Variants in SLC6A11 observed in about 807,000 individuals in gnomAD.
SLC6A11 encodes solute carrier family 6 member 11.
A neutral mutation model predicts 74.8 loss-of-function variants in SLC6A11; 25 were observed. The ratio of observed to expected loss-of-function variants is 0.33; its 90% CI spans 0.24 to 0.47. SLC6A11 has a LOEUF of 0.47. SLC6A11 is among the 20% of genes least tolerant of loss of function. The pLI is 1.00. For missense variants in SLC6A11, 574 were observed against 837.0 expected (o/e 0.69, Z 3.88); for synonymous variants, 330 against 330.2 (o/e 1.00, Z 0.01).
chr3:10,821,466 G>A (rs1281439010), intron 3 of SLC6A11, among the ~76,000 whole-genome samples: 1 of 152,234 alleles, frequency 6.6e-6, no homozygotes, highest in African/African-American at 2.4e-5. Flanking sequence ...AGGTTTTGCA[G>A]AAGTGTAACC....
At chr3:10,844,487 C>A in intron 5 of SLC6A11, 141 bp downstream of exon 5, 2 of 966,144 alleles carry the variant, frequency 2.1e-6, no homozygotes, top group Non-Finnish European at 3.2e-6. Flanking sequence ...CCAGAGTGAG[C>A]TCTACCCACC....
At chr3:10,884,607 T>C (rs1362717581) in intron 6 of SLC6A11, among the ~76,000 whole-genome samples, 1 of 152,210 alleles carries the variant, frequency 6.6e-6, no homozygotes, top group Non-Finnish European at 1.5e-5. Flanking sequence ...AACTGTGTCG[T>C]GTCTGATTTT....
At chr3:10,822,061 C>G (rs193177074) in intron 3 of SLC6A11, among the ~76,000 whole-genome samples, 1 of 152,230 alleles carries the variant, frequency 6.6e-6, no homozygotes, top group Non-Finnish European at 1.5e-5. Flanking sequence ...GGACTGCAAA[C>G]CTCTTTCTTC....
intron 4 of SLC6A11, chr3:10,823,625 T>C: frequency 2.0e-6 from 1 of 488,460 alleles, no homozygotes; most frequent in East Asian, 3.5e-5. Flanking sequence ...TCAGCATGCA[T>C]AGTGGGTTAT....
chr3:10,878,514 C>T (rs1331723146), intron 6 of SLC6A11, among the ~76,000 whole-genome samples: 2 of 151,150 alleles, frequency 1.3e-5, no homozygotes, highest in Admixed American at 6.6e-5. Context: ...AAGCAATTCT[C>T]CTGCCTCAGC....
chr3:10,816,368 C>T lies in SLC6A11; in HGVS notation c.103C>T (p.Pro35Ser), dbSNP rs903083185. The change falls in exon 1 of 14, where the codon CCC (proline) becomes TCC (serine). Residue 35 changes from proline to serine, a missense_variant. This residue lies in a region of SLC6A11 where 86 missense variants were observed against 87.4 expected (regional missense o/e 0.98). Transcript: ENST00000254488. The surrounding 1 kb of genome is among the most constrained non-coding windows in gnomAD (Gnocchi z 4.2). ...GGGCSSGGAAPARHPRVKRDK... is the reference protein window; with the variant it reads ...GGGCSSGGAASARHPRVKRDK... ...CGGCTGCAGCAGCGGGGGCGCGGCG[C>T]CCGCGCGCCACCCGCGCGTCAAGCG... 10 of 1,473,234 alleles carry T rather than the reference C, an allele frequency of 6.8e-6. No individual in the cohort carries two copies. The African/African-American group carries it at 1.3e-4, about 20-fold the overall frequency. 91.3% of individuals were successfully genotyped at this position (1,473,234 alleles called of 1,614,324 possible).
chr3:10,883,221 G>A (rs924995573), intron 6 of SLC6A11, among the ~76,000 whole-genome samples: 8 of 152,186 alleles, frequency 5.3e-5, no homozygotes, highest in Non-Finnish European at 1.0e-4. Context: ...AACATTTGTT[G>A]GTCTTCACTG....
At chr3:10,825,244 A>G (rs915355752) in intron 4 of SLC6A11, 4 of 151,992 alleles carry the variant, frequency 2.6e-5, no homozygotes, top group Non-Finnish European at 5.9e-5. Flanking sequence ...CTGCAGCTTC[A>G]CATTTTGGAC....
At position 10,889,883 on chromosome 3, in the gene SLC6A11, G is replaced by A. The variant is rs530901657; in HGVS notation, c.891+14788G>A. Among the ~76,000 whole-genome samples the A allele has an allele frequency of 1.9e-3, 283 of 152,268 alleles. 2 individuals are homozygous for A. The highest frequency in any genetic ancestry group is 6.4e-3 in the African/African-American group (264 of 41,562). On this transcript the variant is annotated intron_variant, in intron 6 of 13. Coordinates refer to ENST00000254488, the MANE Select transcript of SLC6A11 (RefSeq NM_014229.3). ...GTGTTGGGGCCACCCACCTGCCCTC[G>A]CTCCCATGCCAGGGGGGAGAGAGAG...
At chr3:10,934,699 G>A (rs953507568) in intron 12 of SLC6A11, among the ~76,000 whole-genome samples, 2 of 152,198 alleles carry the variant, frequency 1.3e-5, no homozygotes, top group African/African-American at 4.8e-5. Flanking sequence ...AACCAGTCCC[G>A]AGGAGTAACT....
intron 10 of SLC6A11, among the ~76,000 whole-genome samples, chr3:10,931,671 A>G (rs1695689352): frequency 6.6e-6 from 1 of 152,320 alleles, no homozygotes. Flanking sequence ...ATCTGGCCTC[A>G]CAGCTGCATT....
Position 10,921,221 on chromosome 3 carries a change from C to G in SLC6A11, c.1120+2768C>G, listed in dbSNP as rs187056641. ...TCTCTTCTAGGGGAATGATTTTACA[C>G]AGCTTATAGTTGGGTCTTGCTTCTT... On this transcript the variant is annotated intron_variant, in intron 8 of 13. Transcript: ENST00000254488. 4.6e-5 allele frequency among the ~76,000 whole-genome samples: 7 copies of G among 152,362 alleles called. No individual in the cohort carries two copies. In the East Asian group the frequency reaches 1.3e-3, roughly 29 times the overall value.
intron 6 of SLC6A11, among the ~76,000 whole-genome samples, chr3:10,879,348 T>G (rs1240387488): frequency 6.6e-6 from 1 of 151,824 alleles, no homozygotes; most frequent in Non-Finnish European, 1.5e-5. Context: ...CAAAACCCCA[T>G]GTATGTTGGT....
At chr3:10,934,983 G>T (rs1695739499) in intron 12 of SLC6A11, 46 bp from the exon 13 acceptor site, 1 of 1,564,946 alleles carries the variant, frequency 6.4e-7, no homozygotes, top group South Asian at 1.2e-5. Flanking sequence ...TGGCCTAGCA[G>T]GGCTGAGGGC....
chr3:10,832,959 C>T (rs1367818356), intron 4 of SLC6A11, among the ~76,000 whole-genome samples: 1 of 152,206 alleles, frequency 6.6e-6, no homozygotes, highest in East Asian at 1.9e-4. Flanking sequence ...TCTGCAGTTC[C>T]ACTCCCTTGT....
rs772370091 is a variant in SLC6A11, at chr3:10,934,109, C to T, written c.1518C>T (p.Tyr506=). 1.9e-6 allele frequency: 3 copies of T among 1,613,756 alleles called. No individual in the cohort carries two copies. Among genetic ancestry groups the T allele is most frequent in the African/African-American group, 2.7e-5 (2 of 75,026 alleles). The change falls in exon 12 of 14, where the codon TAC becomes TAT. Residue 506 remains tyrosine, a synonymous_variant. Transcript: ENST00000254488. ...ATAACATTGAAGACATGATTGGCTA[C>T]CGGCCACCGTCGCTCATTAAGTGGT... ...FYDNIEDMIG[Y]RPPSLIKWCW...
intron 6 of SLC6A11, among the ~76,000 whole-genome samples, chr3:10,888,291 T>G (rs947939347): frequency 6.6e-6 from 1 of 152,190 alleles, no homozygotes; most frequent in African/African-American, 2.4e-5. Context: ...TATAGCTGTT[T>G]AGAAAGGGCA....
Position 10,934,946 on chromosome 3 carries a change from G to C in SLC6A11, c.1576-83G>C, listed in dbSNP as rs1695738900. The C allele has an allele frequency of 3.2e-6, 4 of 1,244,418 alleles. No individual in the cohort carries two copies. In the South Asian group the frequency reaches 4.1e-5, roughly 13 times the overall value. The allele number at this position is 1,244,418 out of a possible 1,614,324, so 77.1% of individuals were successfully genotyped here. A position where few individuals can be genotyped will look rare whatever the true frequency, so the allele number is the denominator to read the frequency against. On this transcript the variant is annotated intron_variant, in intron 12 of 13. Transcript: ENST00000254488. The stretch of plus-strand genomic sequence containing the variant: ...TTCCTCCCCTGCCAGCCTCTGGCTA[G>C]TCTGTTCCTGGGCCTCAGACCCCTC...
rs148451142 is a variant in SLC6A11, at chr3:10,866,283, A to G, written c.757-8678A>G. Among the ~76,000 whole-genome samples, 11 of 152,306 alleles carry G rather than the reference A, an allele frequency of 7.2e-5. No homozygotes were observed. In the East Asian group the frequency reaches 1.7e-3, roughly 24 times the overall value. ...AGCTGTACCTGGCACCTTCATTTCT[A>G]TCTTGTTGGCCAGAACATAGATGGC... On this transcript the variant is annotated intron_variant, in intron 5 of 13. Coordinates refer to ENST00000254488, the MANE Select transcript of SLC6A11 (RefSeq NM_014229.3).
Sources: gnomAD v4.1 joint callset for allele counts (sites outside exome capture counted in the v4.1 genomes callset) on GRCh38, gnomAD v4.1.1 for gene constraint, gnomAD v4.1.1 regional missense constraint, Gnocchi (gnomAD v3.1) non-coding constraint, MANE v1.5 for transcripts, NCBI Gene and HGNC (gene_info 2026-07-23, HGNC 2026-07-21) for gene names.